CPXM1: variants seen among roughly 807,000 people sequenced by gnomAD.
CPXM1 encodes the protein probable carboxypeptidase X1.
In CPXM1, 72 loss-of-function variants were observed where a neutral mutation model predicts 80.4. That is an observed-to-expected ratio of 0.90 (90% CI 0.74 to 1.09). The LOEUF (loss-of-function observed/expected upper bound fraction) is 1.09, where lower values mean the gene tolerates loss of function less well. Among genes scored for constraint, CPXM1 ranks in the 50% least tolerant of loss-of-function variants. The pLI, the probability that CPXM1 is intolerant of heterozygous loss-of-function variation, is 0.00. For missense variants in CPXM1, 892 were observed against 999.4 expected (o/e 0.89, Z 1.45); for synonymous variants, 403 against 405.6 (o/e 0.99, Z 0.08).
Position 2,800,592 on chromosome 20 carries a change from G to A in CPXM1, c.-20C>T. ...CCACATGGCGGGGATTGAGTGCCAG[G>A]GGCGCGCGGGCTACGGCGGGTGGCG... On this transcript the variant is annotated 5_prime_UTR_variant, in exon 1 of 14. Transcript: ENST00000380605. 4 of 1,325,960 alleles carry A rather than the reference G, an allele frequency of 3.0e-6. No homozygotes were observed. The highest frequency in any genetic ancestry group is 3.8e-6 in the Non-Finnish European group (4 of 1,041,726). The allele number at this position is 1,325,960 out of a possible 1,614,324, so 82.1% of individuals were successfully genotyped here.
Position 2,794,319 on chromosome 20 carries a change from G to A in CPXM1, c.2076C>T (p.Gly692=). Residue 692 remains glycine (G), a synonymous_variant, in exon 14 of 14, where the codon GGC becomes GGT. Coordinates refer to ENST00000380605, the MANE Select transcript of CPXM1 (RefSeq NM_019609.5). The surrounding 1 kb of genome is among the most constrained non-coding windows in gnomAD (Gnocchi z 5.2). ...TGAGCACGAAATTGCAGGGGAAGGG[G>A]CCCTCTTCAAAGGTGACCCGACAGT... is the stretch of plus-strand genomic sequence containing the variant. ...TRNCRVTFEE[G]PFPCNFVLTK... 2 of 1,614,154 alleles carry A rather than the reference G, an allele frequency of 1.2e-6. No individual in the cohort carries two copies. Among genetic ancestry groups the A allele is most frequent in the African/African-American group, 2.7e-5 (2 of 75,010 alleles).
rs1176488863 is a variant in CPXM1, at chr20:2,798,944, CG to C, written c.173-52del. On this transcript the variant is annotated intron_variant, in intron 1 of 13. Coordinates refer to ENST00000380605, the MANE Select transcript of CPXM1 (RefSeq NM_019609.5). ...GGGGAAAGGAAGAATGGTGAAACCC[CG>C]GATGGAAAGGTCTGCCAGCCCAAGA... 1.7e-5 allele frequency: 26 copies of C among 1,573,326 alleles called. 1 individual carries two copies. The African/African-American group carries it at 3.4e-4, about 20-fold the overall frequency.
chr20:2,796,106 A>C lies in CPXM1; in HGVS notation c.1298T>G (p.Leu433Arg). 6.2e-7 allele frequency: 1 copy of C among 1,613,942 alleles called. No homozygotes were observed. The highest frequency in any genetic ancestry group is 8.5e-7 in the Non-Finnish European group (1 of 1,179,912). The change falls in exon 10 of 14, where the codon CTT becomes CGT. Residue 433 changes from leucine (L) to arginine (R), a missense_variant. Leu to Arg is a moderately radical substitution (Grantham distance 102). This residue lies in a region of CPXM1 where 874 missense variants were observed against 958.4 expected (regional missense o/e 0.91). Coordinates refer to ENST00000380605, the MANE Select transcript of CPXM1 (RefSeq NM_019609.5). This position sits in a 1 kb window ranked among gnomAD's most constrained non-coding sequence, Gnocchi z 6.8. ...GTTGAGGTCAGCAAAATTATGGTTA[A>C]GATCGATGCTCTGGTTGTTCCAGCG... ...EGRWNNQSID[L>R]NHNFADLNTP...
At position 2,795,524 on chromosome 20, in the gene CPXM1, C is replaced by A; in HGVS notation, c.1720+75G>T. The A allele has an allele frequency of 6.3e-7, 1 of 1,587,440 alleles. No homozygotes were observed. The highest frequency in any genetic ancestry group is 1.3e-5 in the African/African-American group (1 of 74,686). ...TTCAGAGTGGGAACAGACGCCAGCACTGTACGCAACCGCAGGCTGTCTTAT... is the reference window on the plus strand; with the variant it reads ...TTCAGAGTGGGAACAGACGCCAGCAATGTACGCAACCGCAGGCTGTCTTAT... On this transcript the variant is annotated intron_variant, in intron 11 of 13. Transcript: ENST00000380605. The surrounding 1 kb of genome is among the most constrained non-coding windows in gnomAD (Gnocchi z 5.4).
chr20:2,795,989 T>C lies in CPXM1; in HGVS notation c.1415A>G (p.Asn472Ser), dbSNP rs932340126. The C allele has an allele frequency of 8.1e-6, 13 of 1,607,852 alleles. No homozygotes were observed. The highest frequency in any genetic ancestry group is 1.1e-5 in the Non-Finnish European group (13 of 1,176,528). ...LPLPTYYTLPNATVAPETRAV... is the reference protein window; with the variant it reads ...LPLPTYYTLPSATVAPETRAV... Reference sequence around the variant, plus strand: ...CGCCCTCAAAATACTCACGGTGGCATTGGGCAGGGTGTAGTAAGTGGGCAA... The same window carrying C: ...CGCCCTCAAAATACTCACGGTGGCACTGGGCAGGGTGTAGTAAGTGGGCAA... Residue 472 changes from asparagine (N) to serine (S), a missense_variant, in exon 10 of 14, where the codon AAT (asparagine) becomes AGT (serine). This residue lies in a region of CPXM1 where 874 missense variants were observed against 958.4 expected (regional missense o/e 0.91). Transcript: ENST00000380605. The surrounding 1 kb of genome is among the most constrained non-coding windows in gnomAD (Gnocchi z 5.4).
Position 2,797,348 on chromosome 20 carries a change from G to A in CPXM1, c.682-6C>T. 6.8e-7 allele frequency: 1 copy of A among 1,479,074 alleles called. No homozygotes were observed. Among genetic ancestry groups the A allele is most frequent in the East Asian group, 2.4e-5 (1 of 41,848 alleles). 91.6% of individuals were successfully genotyped at this position (1,479,074 alleles called of 1,614,324 possible). On this transcript the variant is annotated splice_region_variant and splice_polypyrimidine_tract_variant and intron_variant, in intron 5 of 13. Coordinates refer to ENST00000380605, the MANE Select transcript of CPXM1 (RefSeq NM_019609.5). ...TCTGAATTGGCAGGAAATACCTGGG[G>A]GCAGCAAGTTCTCTGTTGTGGCTGC...
rs201256870 is a variant in CPXM1, at chr20:2,798,273, C to T, written c.469G>A (p.Asp157Asn). The part of the protein sequence containing the change: ...LNIQSGLEDG[D>N]LYDGAWCAEE... ...GCACACCAGGCTCCATCATATAGAT[C>T]GCCGTCCTCCAGGCCTGACTGCAGA... is the stretch of plus-strand genomic sequence containing the variant. Residue 157 changes from aspartate to asparagine, a missense_variant, in exon 4 of 14, where the codon GAT becomes AAT. Physicochemically the swap from Asp to Asn is conservative, Grantham distance 23 (BLOSUM62 1). Around this residue, in one of 2 missense-constraint regions of CPXM1, gnomAD observed 874 missense variants for 958.4 expected, o/e 0.91. Transcript: ENST00000380605. 76 of 1,613,886 alleles carry T rather than the reference C, an allele frequency of 4.7e-5. 4 individuals carry two copies. In the South Asian group the frequency reaches 7.6e-4, roughly 16 times the overall value.
At chr20:2,800,308 G>T in intron 1 of CPXM1, 93 bp downstream of exon 1, 1 of 1,159,494 alleles carries the variant, frequency 8.6e-7, no homozygotes, top group Non-Finnish European at 1.2e-6. Flanking sequence ...GTGGGTGTGC[G>T]TGTGCCCGCG....
Position 2,797,002 on chromosome 20 carries a change from T to G in CPXM1, c.921+4A>C. On this transcript the variant is annotated splice_donor_region_variant and intron_variant, in intron 7 of 13. Transcript: ENST00000380605. Reference sequence around the variant, plus strand: ...CTTCCCAGGTCATAGGGGTTATATCTGACCTTCCTCATGGCCTTGTAATTG... The same window carrying G: ...CTTCCCAGGTCATAGGGGTTATATCGGACCTTCCTCATGGCCTTGTAATTG... The G allele has an allele frequency of 6.2e-7, 1 of 1,613,672 alleles. No individual in the cohort carries two copies. The highest frequency in any genetic ancestry group is 8.5e-7 in the Non-Finnish European group (1 of 1,179,610).
Position 2,794,769 on chromosome 20 carries a change from A to C in CPXM1, c.1861-130T>G. 2 of 631,440 alleles carry C rather than the reference A, an allele frequency of 3.2e-6. No homozygotes were observed. The highest frequency in any genetic ancestry group is 1.9e-5 in the South Asian group (1 of 51,978). The allele number at this position is 631,440 out of a possible 1,614,324, so 39.1% of individuals were successfully genotyped here. A position where few individuals can be genotyped will look rare whatever the true frequency, so the allele number is the denominator to read the frequency against. On this transcript the variant is annotated intron_variant, in intron 12 of 13. Coordinates refer to ENST00000380605, the MANE Select transcript of CPXM1 (RefSeq NM_019609.5). This position sits in a 1 kb window ranked among gnomAD's most constrained non-coding sequence, Gnocchi z 5.2. ...GTCTACTGTGTTCCTAGGTGACACT[A>C]CTTCTGGAAGAAAAAAAAAAAAGAA...
rs2088487428 is a variant in CPXM1, at chr20:2,794,739, G to A, written c.1861-100C>T. 1.2e-6 allele frequency: 1 copy of A among 864,414 alleles called. No homozygotes were observed. The highest frequency in any genetic ancestry group is 1.4e-5 in the South Asian group (1 of 69,982). The allele number at this position is 864,414 out of a possible 1,614,324, so 53.5% of individuals were successfully genotyped here. ...GTTGCCCTGCAAACCTGAGCAAAGTGGTAGGTCTACTGTGTTCCTAGGTGA... is the reference window on the plus strand; with the variant it reads ...GTTGCCCTGCAAACCTGAGCAAAGTAGTAGGTCTACTGTGTTCCTAGGTGA... On this transcript the variant is annotated intron_variant, in intron 12 of 13. Coordinates refer to ENST00000380605, the MANE Select transcript of CPXM1 (RefSeq NM_019609.5). The surrounding 1 kb of genome is among the most constrained non-coding windows in gnomAD (Gnocchi z 5.2).
At chr20:2,798,107 C>T (rs372943474) in intron 4 of CPXM1, 45 bp downstream of exon 4, 4 of 1,613,426 alleles carry the variant, frequency 2.5e-6, no homozygotes, top group Non-Finnish European at 3.4e-6. Context: ...GGACTCCCAC[C>T]CCAGTCCTTC....
At position 2,800,596 on chromosome 20, in the gene CPXM1, G is replaced by A; in HGVS notation, c.-24C>T. ...ATGGCGGGGATTGAGTGCCAGGGGC[G>A]CGCGGGCTACGGCGGGTGGCGGGTC... On this transcript the variant is annotated 5_prime_UTR_variant, in exon 1 of 14. Coordinates refer to ENST00000380605, the MANE Select transcript of CPXM1 (RefSeq NM_019609.5). 7.6e-7 allele frequency: 1 copy of A among 1,324,456 alleles called. No individual in the cohort carries two copies. Among genetic ancestry groups the A allele is most frequent in the Non-Finnish European group, 9.6e-7 (1 of 1,040,886 alleles). 82.0% of individuals were successfully genotyped at this position (1,324,456 alleles called of 1,614,324 possible).
At chr20:2,799,826 T>G (rs560321591) in intron 1 of CPXM1, among the ~76,000 whole-genome samples, 12 of 152,298 alleles carry the variant, frequency 7.9e-5, no homozygotes, top group African/African-American at 2.9e-4. Flanking sequence ...TTCCTTTTGT[T>G]CTTTCTCTCC....
rs764939539 is a variant in CPXM1, at chr20:2,794,659, C to G, written c.1861-20G>C. On this transcript the variant is annotated intron_variant, in intron 12 of 13. Transcript: ENST00000380605. This position sits in a 1 kb window ranked among gnomAD's most constrained non-coding sequence, Gnocchi z 5.2. ...GCGCACCTGTGTGGGAAGAGGTTATCAGAGCCCTTCCCCTTCGGCAGGATA... is the reference window on the plus strand; with the variant it reads ...GCGCACCTGTGTGGGAAGAGGTTATGAGAGCCCTTCCCCTTCGGCAGGATA... The G allele has an allele frequency of 6.3e-7, 1 of 1,583,362 alleles. No individual in the cohort carries two copies. Among genetic ancestry groups the G allele is most frequent in the Non-Finnish European group, 8.6e-7 (1 of 1,157,278 alleles).
intron 5 of CPXM1, 138 bp downstream of exon 5, chr20:2,797,830 C>A (rs1000654985): frequency 3.1e-5 from 23 of 733,964 alleles, no homozygotes; most frequent in Non-Finnish European, 5.0e-5. Context: ...CCGTGTGCCA[C>A]CCTCTTGACA....
rs770784652 is a variant in CPXM1 at position 2,795,720 on chromosome 20, G to A, written c.1599C>T (p.Ser533=). ...TPDDAVFRWL[S]TVYAGSNLAM... ...CCAGATTACTGCCAGCATAGACAGT[G>A]CTGAGCCAGCGAAACACAGCATCAT... The change falls in exon 11 of 14, where the codon AGC becomes AGT. Residue 533 remains serine (S), a synonymous_variant. Transcript: ENST00000380605. The surrounding 1 kb of genome is among the most constrained non-coding windows in gnomAD (Gnocchi z 5.4). 4 of 1,613,836 alleles carry A rather than the reference G, an allele frequency of 2.5e-6. No homozygotes were observed. The highest frequency in any genetic ancestry group is 1.6e-4 in the Middle Eastern group (1 of 6,084).
intron 1 of CPXM1, 23 bp from the exon 2 acceptor site, chr20:2,798,916 A>G (rs769961780): frequency 9.5e-5 from 153 of 1,605,980 alleles, no homozygotes; most frequent in Non-Finnish European, 1.3e-4. Context: ...GAGGCACAGC[A>G]TGGGGGAAAG....
At position 2,797,121 on chromosome 20, in the gene CPXM1, G is replaced by A. The variant is rs771391182; in HGVS notation, c.833-27C>T. On this transcript the variant is annotated intron_variant, in intron 6 of 13. Transcript: ENST00000380605. ...TGGTGGAGGTTGAGTTTATGGTAAA[G>A]GGTGTGTCCACAGTGAAGGATGCAC... 3.7e-6 allele frequency: 6 copies of A among 1,613,768 alleles called. No homozygotes were observed. In the African/African-American group the frequency reaches 8.0e-5, roughly 22 times the overall value.
Sources: allele counts gnomAD v4.1 joint callset (sites outside exome capture counted in the v4.1 genomes callset), GRCh38; gene constraint gnomAD v4.1.1; regional missense constraint gnomAD v4.1.1; non-coding constraint Gnocchi (gnomAD v3.1); transcripts MANE v1.5; gene names NCBI Gene and HGNC (gene_info 2026-07-23, HGNC 2026-07-21).